Variants in RNF130 observed in about 807,000 individuals in gnomAD.
RNF130 encodes the protein E3 ubiquitin-protein ligase RNF130.
A neutral mutation model predicts 44.6 loss-of-function variants in RNF130; 21 were observed. The ratio of observed to expected loss-of-function variants is 0.47; its 90% CI spans 0.33 to 0.68. The LOEUF (loss-of-function observed/expected upper bound fraction) is 0.68. Ranked by LOEUF, RNF130 falls within the 30% of genes least tolerant of loss-of-function variation. The probability of loss-of-function intolerance (pLI) is 0.02; values close to 1 mark genes in which losing one functional copy is unlikely to be tolerated. For missense variants in RNF130, 479 were observed against 560.6 expected (o/e 0.85, Z 1.47); for synonymous variants, 214 against 210.4 (o/e 1.02, Z -0.15).
chr5:179,922,381 C>T (rs972809476), intron 7 of RNF130, among the ~76,000 whole-genome samples: 4 of 151,988 alleles, frequency 2.6e-5, no homozygotes, highest in South Asian at 2.1e-4. Context: ...GGCGCCATCT[C>T]GGCTCACTGC....
At chr5:179,927,958 T>C in intron 7 of RNF130, among the ~76,000 whole-genome samples, 1 of 152,136 alleles carries the variant, frequency 6.6e-6, no homozygotes, top group East Asian at 1.9e-4. Flanking sequence ...CTAGACTCTG[T>C]CTGACACACA....
chr5:180,011,105 C>T (rs142671277), intron 3 of RNF130, among the ~76,000 whole-genome samples: 2,170 of 152,260 alleles, frequency 0.014, 19 homozygotes, highest in Non-Finnish European at 0.023. Context: ...ACGCATATAA[C>T]CTGAAACTAA....
chr5:179,963,078 A>T (rs979391664), intron 8 of RNF130, among the ~76,000 whole-genome samples: 3 of 152,194 alleles, frequency 2.0e-5, no homozygotes, highest in African/African-American at 7.2e-5. Flanking sequence ...GCTTCCCCAG[A>T]AGCTAGACAT....
chr5:179,966,023 G>C (rs550670265), intron 7 of RNF130, among the ~76,000 whole-genome samples: 4 of 152,280 alleles, frequency 2.6e-5, no homozygotes, highest in South Asian at 2.1e-4. Context: ...CAGGAAGATG[G>C]GTGAAAGGTT....
At chr5:179,982,350 A>G (rs1047873227) in intron 3 of RNF130, among the ~76,000 whole-genome samples, 5 of 151,894 alleles carry the variant, frequency 3.3e-5, no homozygotes, top group Non-Finnish European at 7.4e-5. Flanking sequence ...GCTGACAACA[A>G]CATTCTCAAT....
chr5:179,979,177 C>T (rs913083561), intron 4 of RNF130, among the ~76,000 whole-genome samples: 5 of 151,954 alleles, frequency 3.3e-5, no homozygotes, highest in African/African-American at 9.7e-5. Context: ...AAGGCATCTA[C>T]ACTGTCACCG....
chr5:180,013,206 G>A lies in RNF130; in HGVS notation c.548C>T (p.Thr183Ile), dbSNP rs1340517363. 14 of 1,614,056 alleles carry A rather than the reference G, an allele frequency of 8.7e-6. No individual in the cohort carries two copies. Among genetic ancestry groups the A allele is most frequent in the Non-Finnish European group, 1.1e-5 (13 of 1,180,042 alleles). Reference sequence around the variant, plus strand: ...GCTGAAGTTCTTCGGTGGCATTCGAGTTCCAACAGCTATTGTCATTTGTAC... The same window carrying A: ...GCTGAAGTTCTTCGGTGGCATTCGAATTCCAACAGCTATTGTCATTTGTAC... ...ISVQMTIAVG[T>I]RMPPKNFSRG... is the part of the protein sequence containing the mutation. Residue 183 changes from threonine to isoleucine, a missense_variant, in exon 3 of 9, where the codon ACT becomes ATT. Physicochemically the swap from Thr to Ile is moderately conservative, Grantham distance 89 (BLOSUM62 -1). Coordinates refer to ENST00000521389, the MANE Select transcript of RNF130 (RefSeq NM_018434.6).
At chr5:179,925,256 G>T (rs918000268) in intron 7 of RNF130, among the ~76,000 whole-genome samples, 8 of 150,216 alleles carry the variant, frequency 5.3e-5, no homozygotes, top group African/African-American at 1.5e-4. Context: ...GCGGAGAGGG[G>T]CTGAAAGTTA....
At chr5:179,930,385 A>C (rs941057512) in intron 7 of RNF130, among the ~76,000 whole-genome samples, 4 of 152,192 alleles carry the variant, frequency 2.6e-5, no homozygotes, top group Admixed American at 2.6e-4. Flanking sequence ...GCTTATTGTT[A>C]GTCTATAGAA....
chr5:179,965,626 A>T (rs2113702443), intron 7 of RNF130, among the ~76,000 whole-genome samples: 1 of 152,292 alleles, frequency 6.6e-6, no homozygotes, highest in South Asian at 2.1e-4. Flanking sequence ...TCAAGTTTTA[A>T]AACTGTAGAC....
intron 2 of RNF130, among the ~76,000 whole-genome samples, chr5:180,016,212 G>C (rs1763727223): frequency 6.6e-6 from 1 of 152,046 alleles, no homozygotes; most frequent in African/African-American, 2.4e-5. Context: ...AGTTATATAG[G>C]AGTCCCCTCC....
chr5:179,923,552 C>CA (rs1761663023), intron 7 of RNF130, among the ~76,000 whole-genome samples: 1 of 152,228 alleles, frequency 6.6e-6, no homozygotes, highest in Non-Finnish European at 1.5e-5. Flanking sequence ...AGCTGAGTCT[C>CA]AGCCAATCCC....
At chr5:179,939,713 T>C in intron 7 of RNF130, 2 of 445,548 alleles carry the variant, frequency 4.5e-6, no homozygotes, top group Admixed American at 2.6e-5. Context: ...AAAATCCACT[T>C]CCAAAAGACG....
At chr5:179,949,937 G>C (rs1762100319) in intron 7 of RNF130, among the ~76,000 whole-genome samples, 1 of 152,136 alleles carries the variant, frequency 6.6e-6, no homozygotes, top group African/African-American at 2.4e-5. Flanking sequence ...TAAAACTTCT[G>C]TCTCTGCCTA....
intron 2 of RNF130, among the ~76,000 whole-genome samples, chr5:180,024,111 C>G (rs868791680): frequency 1.3e-5 from 2 of 152,174 alleles, no homozygotes; most frequent in African/African-American, 4.8e-5. Flanking sequence ...CTACAACATG[C>G]TGGGCCAGCA....
At chr5:179,955,710 T>C in intron 8 of RNF130, 41 bp from the exon 9 acceptor site, 2 of 1,493,832 alleles carry the variant, frequency 1.3e-6, no homozygotes, top group South Asian at 1.3e-5. Flanking sequence ...AATTAAAGAG[T>C]AGTCAAATGT....
intron 8 of RNF130, among the ~76,000 whole-genome samples, chr5:179,958,630 G>A (rs896687309): frequency 6.6e-6 from 1 of 152,128 alleles, no homozygotes; most frequent in South Asian, 2.1e-4. Flanking sequence ...GTGCAGGCTC[G>A]CTAGCTTTCA....
At chr5:180,006,400 C>G (rs555140700) in intron 3 of RNF130, among the ~76,000 whole-genome samples, 1 of 152,168 alleles carries the variant, frequency 6.6e-6, no homozygotes, top group Non-Finnish European at 1.5e-5. Flanking sequence ...TTTCCACATT[C>G]TGACAGGCAA....
intron 2 of RNF130, among the ~76,000 whole-genome samples, chr5:180,021,587 A>C (rs1197717978): frequency 1.3e-5 from 2 of 152,164 alleles, no homozygotes; most frequent in East Asian, 3.9e-4. Flanking sequence ...TTCCATACTA[A>C]TTCTAGAGTC....
Sources: gnomAD v4.1 joint callset for allele counts (sites outside exome capture counted in the v4.1 genomes callset) on GRCh38, gnomAD v4.1.1 for gene constraint, MANE v1.5 for transcripts, NCBI Gene and HGNC (gene_info 2026-07-23, HGNC 2026-07-21) for gene names.